Variants in LSM11 observed in about 807,000 individuals in gnomAD.
LSM11 encodes the protein LSM11, U7 small nuclear RNA associated, also known as U7 snRNA-associated Sm-like protein LSm11.
In LSM11, 14 loss-of-function variants were observed where a neutral mutation model predicts 28.1. That is an observed-to-expected ratio of 0.50 (90% CI 0.33 to 0.78). The LOEUF (loss-of-function observed/expected upper bound fraction) is 0.78. LSM11 is among the 30% of genes least tolerant of loss of function. LSM11 has a pLI of 0.02. For synonymous variants in LSM11, 207 were observed against 214.2 expected (o/e 0.97, Z 0.30); for missense variants, 495 against 510.6 (o/e 0.97, Z 0.30).
chr5:157,744,206 C>T lies in LSM11; in HGVS notation c.448+8C>T. 1 of 1,267,470 alleles carries T rather than the reference C, an allele frequency of 7.9e-7. No homozygotes were observed. Among genetic ancestry groups the T allele is most frequent in the Non-Finnish European group, 9.9e-7 (1 of 1,006,242 alleles). The allele number at this position is 1,267,470 out of a possible 1,614,324, so 78.5% of individuals were successfully genotyped here. On this transcript the variant is annotated splice_region_variant and intron_variant, in intron 1 of 3. Coordinates refer to ENST00000286307, the MANE Select transcript of LSM11 (RefSeq NM_173491.4). ...TGCTCACGCGAATGCCCTGTGAGTC[C>T]GCGGGCCGGGCGGGAAGCGGGGCAG...
chr5:157,745,594 G>A (rs1198893682), intron 1 of LSM11, among the ~76,000 whole-genome samples: 1 of 152,196 alleles, frequency 6.6e-6, no homozygotes, highest in Non-Finnish European at 1.5e-5. Flanking sequence ...TTGCTACCAA[G>A]ATTGTCAAGG....
Position 157,758,270 on chromosome 5 carries a change from C to G in LSM11, c.*3006C>G, listed in dbSNP as rs1761361514. ...GCTGGGTCAGCCACCATGGCTGACT[C>G]ATTTTTTGTATTTTTAGTAGAGAAG... On this transcript the variant is annotated 3_prime_UTR_variant, in exon 4 of 4. Coordinates refer to ENST00000286307, the MANE Select transcript of LSM11 (RefSeq NM_173491.4). The G allele has an allele frequency of 6.6e-6, 1 of 151,934 alleles. No homozygotes were observed. Among genetic ancestry groups the G allele is most frequent in the Admixed American group, 6.6e-5 (1 of 15,246 alleles). 9.4% of individuals were successfully genotyped at this position (151,934 alleles called of 1,614,324 possible). A position where few individuals can be genotyped will look rare whatever the true frequency, so the allele number is the denominator to read the frequency against.
chr5:157,760,086 T>G lies in LSM11; in HGVS notation c.*4822T>G. 1 of 152,222 alleles carries G rather than the reference T, an allele frequency of 6.6e-6. No individual in the cohort carries two copies. Among genetic ancestry groups the G allele is most frequent in the Non-Finnish European group, 1.5e-5 (1 of 68,036 alleles). The allele number at this position is 152,222 out of a possible 1,614,324, so 9.4% of individuals were successfully genotyped here. A position where few individuals can be genotyped will look rare whatever the true frequency, so the allele number is the denominator to read the frequency against. Reference sequence around the variant, plus strand: ...TAGTTTGATAACCTACCAGAGTTAGTGCTTCTTTAAAAACACTCCTTGGAA... The same window carrying G: ...TAGTTTGATAACCTACCAGAGTTAGGGCTTCTTTAAAAACACTCCTTGGAA... On this transcript the variant is annotated 3_prime_UTR_variant, in exon 4 of 4. Coordinates refer to ENST00000286307, the MANE Select transcript of LSM11 (RefSeq NM_173491.4).
chr5:157,746,083 G>A (rs1761142036), intron 1 of LSM11, among the ~76,000 whole-genome samples: 1 of 151,852 alleles, frequency 6.6e-6, no homozygotes, highest in African/African-American at 2.4e-5. Context: ...AAGTTGGAAG[G>A]GGGGAAAAAA....
intron 1 of LSM11, among the ~76,000 whole-genome samples, chr5:157,749,856 C>T (rs1356956391): frequency 6.6e-6 from 1 of 152,160 alleles, no homozygotes; most frequent in Non-Finnish European, 1.5e-5. Flanking sequence ...ATAAGCCAAT[C>T]CATGACAGAG....
chr5:157,748,513 C>T (rs142434437), intron 1 of LSM11, among the ~76,000 whole-genome samples: 275 of 152,212 alleles, frequency 1.8e-3, no homozygotes, highest in Non-Finnish European at 2.9e-3. Context: ...ACAACCTTGA[C>T]GTTATCTTAC....
intron 1 of LSM11, among the ~76,000 whole-genome samples, chr5:157,749,188 G>A (rs911332207): frequency 2.0e-5 from 3 of 152,240 alleles, no homozygotes; most frequent in African/African-American, 7.2e-5. Flanking sequence ...ATTAGAGTAA[G>A]AGACTGTTGC....
rs1280692878 is a variant in LSM11, at chr5:157,755,984, T to C, written c.*720T>C. The C allele has an allele frequency of 6.3e-6, 2 of 318,890 alleles. No individual in the cohort carries two copies. Among genetic ancestry groups the C allele is most frequent in the Non-Finnish European group, 1.1e-5 (2 of 176,672 alleles). 19.8% of individuals were successfully genotyped at this position (318,890 alleles called of 1,614,324 possible). ...ACCAGATGGGACTCTAAGATGCTTG[T>C]GTGGTGGCTTCTTGTCCTTCTCTTT... On this transcript the variant is annotated 3_prime_UTR_variant, in exon 4 of 4. Coordinates refer to ENST00000286307, the MANE Select transcript of LSM11 (RefSeq NM_173491.4).
chr5:157,748,459 G>T (rs1435487676), intron 1 of LSM11, among the ~76,000 whole-genome samples: 11 of 152,084 alleles, frequency 7.2e-5, no homozygotes, highest in Non-Finnish European at 1.5e-5. Flanking sequence ...GTTGTTTCTT[G>T]TGTAAGAGCA....
chr5:157,751,290 A>G (rs1314412657), intron 1 of LSM11, 100 bp from the exon 2 acceptor site: 2 of 1,331,598 alleles, frequency 1.5e-6, no homozygotes, highest in Admixed American at 5.4e-5. Flanking sequence ...TCACTCTACC[A>G]TGGGCCACAT....
chr5:157,759,895 A>C lies in LSM11; in HGVS notation c.*4631A>C, dbSNP rs148804914. 28 of 152,260 alleles carry C rather than the reference A, an allele frequency of 1.8e-4. No homozygotes were observed. The highest frequency in any genetic ancestry group is 6.3e-4 in the African/African-American group (26 of 41,550). The allele number at this position is 152,260 out of a possible 1,614,324, so 9.4% of individuals were successfully genotyped here. ...GAAGGGTTGGGCCTCCTTTACTCTCAGTATTTTGAGTGTTTTTCAAATGTT... is the reference window on the plus strand; with the variant it reads ...GAAGGGTTGGGCCTCCTTTACTCTCCGTATTTTGAGTGTTTTTCAAATGTT... On this transcript the variant is annotated 3_prime_UTR_variant, in exon 4 of 4. Transcript: ENST00000286307.
intron 3 of LSM11, among the ~76,000 whole-genome samples, chr5:157,754,489 C>T (rs1317126069): frequency 1.3e-5 from 2 of 151,882 alleles, no homozygotes; most frequent in Non-Finnish European, 2.9e-5. Context: ...GTCAGGAGAT[C>T]GAGACCATCC....
rs1761344887 is a variant in LSM11 at position 157,757,430 on chromosome 5, C to T, written c.*2166C>T. 1 of 152,022 alleles carries T rather than the reference C, an allele frequency of 6.6e-6. No homozygotes were observed. The allele number at this position is 152,022 out of a possible 1,614,324, so 9.4% of individuals were successfully genotyped here. ...TTTTCAAGGGGTTTATATGGTAGCA[C>T]CAAATGGAGAATGAGCATCTAAAAA... On this transcript the variant is annotated 3_prime_UTR_variant, in exon 4 of 4. Coordinates refer to ENST00000286307, the MANE Select transcript of LSM11 (RefSeq NM_173491.4).
intron 1 of LSM11, among the ~76,000 whole-genome samples, chr5:157,745,684 C>G (rs1049244426): frequency 6.6e-6 from 1 of 152,176 alleles, no homozygotes; most frequent in African/African-American, 2.4e-5. Context: ...AATGGTATGA[C>G]AGTGTGTGAA....
Position 157,748,613 on chromosome 5 carries a change from T to C in LSM11, c.449-2777T>C, listed in dbSNP as rs189543752. Among the ~76,000 whole-genome samples, 23 of 152,262 alleles carry C rather than the reference T, an allele frequency of 1.5e-4. 1 individual carries two copies. The East Asian group carries it at 4.0e-3, about 27-fold the overall frequency. ...GGGGTCATGGCACGGGGATCCACCATCTTGTTTTGCCGCCACCTGAGACGC... is the reference window on the plus strand; with the variant it reads ...GGGGTCATGGCACGGGGATCCACCACCTTGTTTTGCCGCCACCTGAGACGC... On this transcript the variant is annotated intron_variant, in intron 1 of 3. Coordinates refer to ENST00000286307, the MANE Select transcript of LSM11 (RefSeq NM_173491.4).
chr5:157,745,957 C>G (rs1205376463), intron 1 of LSM11, among the ~76,000 whole-genome samples: 1 of 152,130 alleles, frequency 6.6e-6, no homozygotes, highest in Non-Finnish European at 1.5e-5. Context: ...CACAAAACTA[C>G]CTATTGGGTA....
intron 1 of LSM11, among the ~76,000 whole-genome samples, chr5:157,745,097 G>T (rs773654567): frequency 6.6e-6 from 1 of 152,232 alleles, no homozygotes; most frequent in Non-Finnish European, 1.5e-5. Context: ...AGGCTCTAAT[G>T]TGTGAGTTAG....
In LSM11 at chr5:157,743,958, G is replaced by C. The variant is rs202030318; in HGVS notation, c.208G>C (p.Gly70Arg). The part of the protein sequence containing the change: ...ESFLRTGVRG[G>R]GRGRGRARGA... ...CTTCCTCAGGACCGGAGTCCGGGGC[G>C]GCGGGCGCGGGCGCGGGCGGGCTCG... The change falls in exon 1 of 4, where the codon GGC becomes CGC. Residue 70 changes from glycine to arginine, a missense_variant. Coordinates refer to ENST00000286307, the MANE Select transcript of LSM11 (RefSeq NM_173491.4). The C allele has an allele frequency of 3.8e-6, 5 of 1,324,266 alleles. No homozygotes were observed. Among genetic ancestry groups the C allele is most frequent in the Non-Finnish European group, 4.8e-6 (5 of 1,035,256 alleles). 82.0% of individuals were successfully genotyped at this position (1,324,266 alleles called of 1,614,324 possible).
intron 1 of LSM11, among the ~76,000 whole-genome samples, chr5:157,749,089 T>G (rs996597988): frequency 1.3e-5 from 2 of 152,210 alleles, no homozygotes; most frequent in Admixed American, 1.3e-4. Context: ...CTTCCTGGAA[T>G]TACACCTTAT....
Sources: gnomAD v4.1 joint callset for allele counts (sites outside exome capture counted in the v4.1 genomes callset) on GRCh38, gnomAD v4.1.1 for gene constraint, MANE v1.5 for transcripts, NCBI Gene and HGNC (gene_info 2026-07-23, HGNC 2026-07-21) for gene names.